Variants in RBM47 observed in about 807,000 individuals in gnomAD.
The protein encoded by RBM47 is RNA-binding protein 47.
Under a neutral mutation model 47.1 loss-of-function variants are expected in RBM47, and 21 were observed. That is an observed-to-expected ratio of 0.45 (90% CI 0.32 to 0.64). The LOEUF (loss-of-function observed/expected upper bound fraction) is 0.64, where lower values mean the gene tolerates loss of function less well. Among genes scored for constraint, RBM47 ranks in the 30% least tolerant of loss-of-function variants. The pLI, the probability that RBM47 is intolerant of heterozygous loss-of-function variation, is 0.05. For missense variants in RBM47, 708 were observed against 870.9 expected (o/e 0.81, Z 2.35); for synonymous variants, 375 against 361.7 (o/e 1.04, Z -0.42).
chr4:40,438,182 C>T lies in RBM47; in HGVS notation c.712G>A (p.Asp238Asn), dbSNP rs1311610072. 3.1e-6 allele frequency: 5 copies of T among 1,609,768 alleles called. No homozygotes were observed. The highest frequency in any genetic ancestry group is 4.2e-6 in the Non-Finnish European group (5 of 1,180,010). Residue 238 changes from aspartate (D) to asparagine (N), a missense_variant, in exon 4 of 7, where the codon GAC becomes AAC. Coordinates refer to ENST00000295971, the MANE Select transcript of RBM47 (RefSeq NM_001098634.2). The part of the protein sequence containing the change: ...VDWAEPEIDV[D>N]EDVMETVKIL... ...TTCACGGTCTCCATCACGTCCTCGT[C>T]CACGTCGATCTCAGGTTCGGCCCAG...
intron 1 of RBM47, among the ~76,000 whole-genome samples, chr4:40,587,965 T>G (rs1485790956): frequency 6.6e-6 from 1 of 152,128 alleles, no homozygotes; most frequent in Non-Finnish European, 1.5e-5. Context: ...GACAACACCA[T>G]GGGTAATATT....
rs151225839 is a variant in RBM47, at chr4:40,598,546, G to A, written c.-240+30850C>T. Among the ~76,000 whole-genome samples the A allele has an allele frequency of 1.8e-4, 27 of 151,920 alleles. No homozygotes were observed. The East Asian group carries it at 3.9e-3, about 22-fold the overall frequency. ...ATTACAGGCATGAGCCACTGCGCCC[G>A]GCCCCAATCATAGAACTTTAAAATG... is the stretch of plus-strand genomic sequence containing the variant. On this transcript the variant is annotated intron_variant, in intron 1 of 6. Coordinates refer to ENST00000295971, the MANE Select transcript of RBM47 (RefSeq NM_001098634.2).
chr4:40,555,269 T>G (rs1455247899), intron 1 of RBM47, among the ~76,000 whole-genome samples: 2 of 152,200 alleles, frequency 1.3e-5, no homozygotes, highest in Non-Finnish European at 1.5e-5. Context: ...GATTTTGCCA[T>G]GTTGCCCAGC....
In RBM47 at chr4:40,526,994, G is replaced by T. The variant is rs903215253; in HGVS notation, c.-155+17428C>A. ...CAAAACCTCACCAGGTTTGACGAAG[G>T]CAACTACCTCTCCATCTGACTTGCC... On this transcript the variant is annotated intron_variant, in intron 2 of 6. Coordinates refer to ENST00000295971, the MANE Select transcript of RBM47 (RefSeq NM_001098634.2). Among the ~76,000 whole-genome samples the T allele has an allele frequency of 5.9e-5, 9 of 152,058 alleles. 1 individual carries two copies. The East Asian group carries it at 1.7e-3, about 29-fold the overall frequency.
chr4:40,532,710 A>T (rs1311224998), intron 2 of RBM47, among the ~76,000 whole-genome samples: 4 of 151,042 alleles, frequency 2.6e-5, no homozygotes, highest in Non-Finnish European at 4.4e-5. Context: ...CAATGTCTTA[A>T]CCACTTCTTA....
At chr4:40,559,652 C>T (rs1393528137) in intron 1 of RBM47, among the ~76,000 whole-genome samples, 1 of 152,012 alleles carries the variant, frequency 6.6e-6, no homozygotes, top group Non-Finnish European at 1.5e-5. Flanking sequence ...TTTTGAGTTT[C>T]ATGAAATATC....
intron 2 of RBM47, among the ~76,000 whole-genome samples, chr4:40,537,489 C>A (rs1728100830): frequency 6.6e-6 from 1 of 152,018 alleles, no homozygotes; most frequent in African/African-American, 2.4e-5. Context: ...TGGGTTCAAG[C>A]AATCTGCCTG....
At chr4:40,553,079 T>C (rs1156639401) in intron 1 of RBM47, among the ~76,000 whole-genome samples, 1 of 150,166 alleles carries the variant, frequency 6.7e-6, no homozygotes, top group African/African-American at 2.4e-5. Flanking sequence ...GTGATTCTCC[T>C]GCCTCAGCCT....
At chr4:40,601,547 C>T (rs913475722) in intron 1 of RBM47, among the ~76,000 whole-genome samples, 5 of 152,166 alleles carry the variant, frequency 3.3e-5, no homozygotes, top group African/African-American at 1.2e-4. Flanking sequence ...TTTTTGTTAG[C>T]TTGAGGTTAA....
intron 1 of RBM47, among the ~76,000 whole-genome samples, chr4:40,599,719 G>A (rs1395455011): frequency 2.1e-5 from 3 of 142,922 alleles, no homozygotes; most frequent in South Asian, 2.2e-4. Flanking sequence ...GCCTTCAGAT[G>A]AGAATACAGA....
chr4:40,569,411 A>ATT (rs34044561), intron 1 of RBM47, among the ~76,000 whole-genome samples: 3,581 of 140,130 alleles, frequency 0.026, 159 homozygotes, highest in African/African-American at 0.087. Context: ...TTCTATTCTC[A>ATT]TTTTTTTTTT....
At chr4:40,610,118 CA>C (rs530739407) in intron 1 of RBM47, among the ~76,000 whole-genome samples, 6 of 151,636 alleles carry the variant, frequency 4.0e-5, no homozygotes, top group South Asian at 2.1e-4. Flanking sequence ...AACAAACAAA[CA>C]AAAAAACCTC....
intron 1 of RBM47, among the ~76,000 whole-genome samples, chr4:40,559,247 T>C (rs1023096049): frequency 2.6e-5 from 4 of 152,034 alleles, no homozygotes; most frequent in Non-Finnish European, 4.4e-5. Context: ...TTCTGGCAAA[T>C]AGAAGGAGAG....
chr4:40,438,773 G>T lies in RBM47; in HGVS notation c.121C>A (p.Arg41Ser). 5 of 1,567,044 alleles carry T rather than the reference G, an allele frequency of 3.2e-6. No homozygotes were observed. The highest frequency in any genetic ancestry group is 4.3e-6 in the Non-Finnish European group (5 of 1,161,244). The change falls in exon 4 of 7, where the codon CGC becomes AGC. Residue 41 changes from arginine to serine, a missense_variant. Transcript: ENST00000295971. ...TCTTGCACCATGCTGTAGCCCGTGC[G>T]CTCCATCAGCGCCAGCAGTGCTGCC... is the stretch of plus-strand genomic sequence containing the variant. ...NEAALLALME[R>S]TGYSMVQENG...
At chr4:40,541,979 A>C (rs1026372156) in intron 2 of RBM47, among the ~76,000 whole-genome samples, 1 of 152,198 alleles carries the variant, frequency 6.6e-6, no homozygotes, top group Non-Finnish European at 1.5e-5. Flanking sequence ...GAGACAAAGA[A>C]ATGTGGACAC....
At chr4:40,434,412 C>T (rs1170289261) in intron 5 of RBM47, among the ~76,000 whole-genome samples, 2 of 152,112 alleles carry the variant, frequency 1.3e-5, no homozygotes, top group African/African-American at 2.4e-5. Flanking sequence ...ATGAATTGTT[C>T]TGGCTATCAG....
chr4:40,617,730 T>C (rs918751745), intron 1 of RBM47, among the ~76,000 whole-genome samples: 1 of 151,164 alleles, frequency 6.6e-6, no homozygotes, highest in Non-Finnish European at 1.5e-5. Context: ...TAAATATATA[T>C]GATTAATTTG....
At chr4:40,594,443 G>T (rs1233771256) in intron 1 of RBM47, among the ~76,000 whole-genome samples, 1 of 152,178 alleles carries the variant, frequency 6.6e-6, no homozygotes, top group Non-Finnish European at 1.5e-5. Flanking sequence ...GACACAGCTT[G>T]GTCTCGAAAG....
chr4:40,592,343 T>C (rs1008933379), intron 1 of RBM47, among the ~76,000 whole-genome samples: 22 of 151,384 alleles, frequency 1.5e-4, no homozygotes, highest in African/African-American at 5.1e-4. Context: ...CAGCCTCAAA[T>C]TCCTGGACTC....
Sources: gnomAD v4.1 joint callset for allele counts (sites outside exome capture counted in the v4.1 genomes callset) on GRCh38, gnomAD v4.1.1 for gene constraint, MANE v1.5 for transcripts, NCBI Gene and HGNC (gene_info 2026-07-23, HGNC 2026-07-21) for gene names.